The following HGS variants were observed in gnomAD, a reference collection of about 807,000 sequenced individuals.
HGS encodes the protein human growth factor-regulated tyrosine kinase substrate.
HGS carries 63 observed loss-of-function variants against 109.7 expected under a neutral mutation model. The observed-to-expected ratio is 0.57, with a 90% CI of 0.47 to 0.71. HGS has a LOEUF of 0.71. HGS is among the 30% of genes least tolerant of loss of function. The probability of loss-of-function intolerance (pLI) is 0.00; values close to 1 mark genes in which losing one functional copy is unlikely to be tolerated. For missense variants in HGS, 995 were observed against 1,068.3 expected, an observed-to-expected ratio of 0.93 and a Z score of 0.96; for synonymous variants, 546 against 437.3, an observed-to-expected ratio of 1.25 and a Z score of -3.10.
rs571355984 is a variant in HGS at position 81,685,699 on chromosome 17, C to T, written c.122+10C>T. 1.2e-5 allele frequency: 20 copies of T among 1,606,464 alleles called. 1 individual carries two copies. Among genetic ancestry groups the T allele is most frequent in the South Asian group, 1.1e-4 (10 of 90,198 alleles). ...GCCAAGGGGACACACAGTGAGTTAG[C>T]GGGGCCTGTGCCCTGATGCGGAGGA... On this transcript the variant is annotated intron_variant, in intron 2 of 21. Transcript: ENST00000329138.
At chr17:81,685,848 G>A (rs1360874329) in intron 2 of HGS, among the ~76,000 whole-genome samples, 159 bp downstream of exon 2, 2 of 152,210 alleles carry the variant, frequency 1.3e-5, no homozygotes, top group Admixed American at 6.5e-5. Context: ...ACATCTTGGA[G>A]GATTAAGGGG....
At chr17:81,685,564 A>T in intron 1 of HGS, 41 bp from the exon 2 acceptor site, 2 of 1,495,348 alleles carry the variant, frequency 1.3e-6, no homozygotes, top group Non-Finnish European at 1.8e-6. Flanking sequence ...CGGGGCGTCC[A>T]GCAGGATAAC....
intron 4 of HGS, among the ~76,000 whole-genome samples, chr17:81,688,278 C>T (rs2037011581): frequency 6.6e-6 from 1 of 151,448 alleles, no homozygotes; most frequent in South Asian, 2.1e-4. Context: ...GGAGCGGCTG[C>T]CCCCCGCGTC....
In HGS at chr17:81,690,663, C is replaced by G; in HGVS notation, c.469-11C>G. ...GGGAAGCGTGTGGTCCTGACTGCTG[C>G]CCCTCCTCAGGCCCCAGACTGGGTG... is the stretch of plus-strand genomic sequence containing the variant. On this transcript the variant is annotated splice_polypyrimidine_tract_variant and intron_variant, in intron 6 of 21. Coordinates refer to ENST00000329138, the MANE Select transcript of HGS (RefSeq NM_004712.5). The G allele has an allele frequency of 6.2e-7, 1 of 1,610,414 alleles. No individual in the cohort carries two copies. Among genetic ancestry groups the G allele is most frequent in the Non-Finnish European group, 8.5e-7 (1 of 1,178,584 alleles).
chr17:81,688,722 G>A lies in HGS; in HGVS notation c.310G>A (p.Val104Ile), dbSNP rs1462305008. The A allele has an allele frequency of 1.2e-5, 20 of 1,613,874 alleles. No homozygotes were observed. The highest frequency in any genetic ancestry group is 1.5e-5 in the Non-Finnish European group (18 of 1,179,948). The part of the protein sequence containing the change: ...DLLKRQVEVN[V>I]RNKILYLIQA... ...CCTGCAGAGACAAGTGGAGGTAAAC[G>A]TCCGTAACAAGATCCTGTACCTGAT... Residue 104 changes from valine (V) to isoleucine (I), a missense_variant, in exon 5 of 22, where the codon GTC becomes ATC. Val to Ile is a conservative substitution (Grantham distance 29). Transcript: ENST00000329138.
chr17:81,694,909 C>T lies in HGS; in HGVS notation c.976-15C>T. 1 of 1,614,222 alleles carries T rather than the reference C, an allele frequency of 6.2e-7. No individual in the cohort carries two copies. Among genetic ancestry groups the T allele is most frequent in the South Asian group, 1.1e-5 (1 of 91,088 alleles). On this transcript the variant is annotated splice_polypyrimidine_tract_variant and intron_variant, in intron 12 of 21. Coordinates refer to ENST00000329138, the MANE Select transcript of HGS (RefSeq NM_004712.5). ...CGGTTTCTGGCCTTGGGAGTGACCC[C>T]CTCATTGCCTGCAGCTCGCACGGTA...
chr17:81,695,305 C>A, intron 14 of HGS, 82 bp downstream of exon 14: 2 of 1,442,194 alleles, frequency 1.4e-6, no homozygotes, highest in Non-Finnish European at 1.9e-6. Flanking sequence ...CAGGTGCCTG[C>A]CCTAACCAGA....
Position 81,686,363 on chromosome 17 carries a change from A to T in HGS, c.174A>T (p.Pro58=). The stretch of plus-strand genomic sequence containing the variant: ...AGAAGAAAGTCAACGACAAGAACCC[A>T]CACGTCGCCTTGTATGCCCTGGAGG... The part of the protein sequence containing the change: ...SIKKKVNDKN[P]HVALYALEVM... Residue 58 remains proline (P), a synonymous_variant, in exon 3 of 22, where the codon CCA becomes CCT. Coordinates refer to ENST00000329138, the MANE Select transcript of HGS (RefSeq NM_004712.5). 6.2e-7 allele frequency: 1 copy of T among 1,613,638 alleles called. No homozygotes were observed. Among genetic ancestry groups the T allele is most frequent in the Non-Finnish European group, 8.5e-7 (1 of 1,179,960 alleles).
intron 5 of HGS, 39 bp downstream of exon 5, chr17:81,688,866 G>A (rs774240322): frequency 9.3e-6 from 15 of 1,613,190 alleles, no homozygotes; most frequent in Non-Finnish European, 1.1e-5. Context: ...TTGAGGCTTG[G>A]AACTGCTGGG....
rs775940039 is a variant in HGS at position 81,693,547 on chromosome 17, A to G, written c.707A>G (p.Glu236Gly). The G allele has an allele frequency of 1.2e-6, 2 of 1,612,806 alleles. No individual in the cohort carries two copies. The highest frequency in any genetic ancestry group is 1.7e-5 in the Admixed American group (1 of 59,950). The change falls in exon 9 of 22, where the codon GAG becomes GGG. Residue 236 changes from glutamate (E) to glycine (G), a missense_variant. Around this residue, in one of 6 missense-constraint regions of HGS, gnomAD observed 300 missense variants for 235.4 expected, o/e 1.27. Transcript: ENST00000329138. ...KATSTTELPP[E>G]YLTSPLSQQS... ...ACTTCCACCACTGAGCTGCCCCCCG[A>G]GTACCTGACCAGCCCCCTGTCTCAG...
In HGS at chr17:81,701,785, A is replaced by C; in HGVS notation, c.*167A>C. ...AGCCCACCTCCCTTGTCCTCAGCCT[A>C]CTGCAGTCCCTGAGTTAGTCTCTGC... On this transcript the variant is annotated 3_prime_UTR_variant, in exon 22 of 22. Coordinates refer to ENST00000329138, the MANE Select transcript of HGS (RefSeq NM_004712.5). 1 of 987,364 alleles carries C rather than the reference A, an allele frequency of 1.0e-6. No homozygotes were observed. The highest frequency in any genetic ancestry group is 1.4e-6 in the Non-Finnish European group (1 of 707,172). The allele number at this position is 987,364 out of a possible 1,614,324, so 61.2% of individuals were successfully genotyped here. A position where few individuals can be genotyped will look rare whatever the true frequency, so the allele number is the denominator to read the frequency against.
At chr17:81,700,246 G>A (rs376466607) in intron 18 of HGS, among the ~76,000 whole-genome samples, 2 of 151,020 alleles carry the variant, frequency 1.3e-5, no homozygotes, top group South Asian at 2.1e-4. Flanking sequence ...GCGTACGCCC[G>A]TAATCCCAGC....
In HGS at chr17:81,691,405, C is replaced by T. The variant is rs1455000982; in HGVS notation, c.538-42C>T. ...TCTGGGCCGGGTGGCGCATCAGGGT[C>T]CCCCAGTGCCTGTGACCAGGCCCGC... On this transcript the variant is annotated intron_variant, in intron 7 of 21. Transcript: ENST00000329138. The surrounding 1 kb of genome is among the most constrained non-coding windows in gnomAD (Gnocchi z 5.3). The T allele has an allele frequency of 5.0e-6, 8 of 1,610,756 alleles. No homozygotes were observed. The East Asian group carries it at 8.9e-5, about 18-fold the overall frequency.
rs1177063793 is a variant in HGS at position 81,691,372 on chromosome 17, G to A, written c.538-75G>A. The A allele has an allele frequency of 8.2e-6, 13 of 1,591,438 alleles. No individual in the cohort carries two copies. The East Asian group carries it at 1.8e-4, about 22-fold the overall frequency. On this transcript the variant is annotated intron_variant, in intron 7 of 21. Transcript: ENST00000329138. The surrounding 1 kb of genome is among the most constrained non-coding windows in gnomAD (Gnocchi z 5.3). ...GTGAGGCCCAGCTTCGGCATCGTACGGGGTGGTTCTGGGCCGGGTGGCGCA... is the reference window on the plus strand; with the variant it reads ...GTGAGGCCCAGCTTCGGCATCGTACAGGGTGGTTCTGGGCCGGGTGGCGCA...
intron 4 of HGS, 138 bp from the exon 5 acceptor site, chr17:81,688,566 C>G (rs2037017314): frequency 9.5e-7 from 1 of 1,048,040 alleles, no homozygotes; most frequent in Non-Finnish European, 1.4e-6. Context: ...GCCCCCACGC[C>G]CCACTCGGGG....
At chr17:81,697,686 T>A (rs1222673747) in intron 18 of HGS, 1 of 152,242 alleles carries the variant, frequency 6.6e-6, no homozygotes, top group African/African-American at 2.4e-5. Flanking sequence ...TTTTTGCTAA[T>A]GTTGCCTGTG....
At chr17:81,696,199 T>A (rs1269694314) in intron 15 of HGS, 158 bp from the exon 16 acceptor site, 5 of 975,804 alleles carry the variant, frequency 5.1e-6, no homozygotes, top group Non-Finnish European at 7.2e-6. Flanking sequence ...TGCCCTGCCC[T>A]GCCCAGGACC....
chr17:81,685,786 G>A (rs1005330699), intron 2 of HGS, 97 bp downstream of exon 2: 21 of 849,932 alleles, frequency 2.5e-5, no homozygotes, highest in South Asian at 3.3e-5. Flanking sequence ...GTAGCTGACC[G>A]TGTTAGGCTC....
At chr17:81,690,138 A>G in intron 5 of HGS, 44 bp from the exon 6 acceptor site, 1 of 1,592,754 alleles carries the variant, frequency 6.3e-7, no homozygotes, top group Non-Finnish European at 8.6e-7. Flanking sequence ...GAAGTCTTGC[A>G]GGCCAGGTGG....
Sources: gnomAD v4.1 joint callset for allele counts (sites outside exome capture counted in the v4.1 genomes callset) on GRCh38, gnomAD v4.1.1 for gene constraint, gnomAD v4.1.1 regional missense constraint, Gnocchi (gnomAD v3.1) non-coding constraint, MANE v1.5 for transcripts, NCBI Gene and HGNC (gene_info 2026-07-23, HGNC 2026-07-21) for gene names.